COL19A1: variants seen among roughly 807,000 people sequenced by gnomAD.
COL19A1 encodes the protein collagen alpha-1(XIX) chain.
A neutral mutation model predicts 190.2 loss-of-function variants in COL19A1; 159 were observed. The observed-to-expected ratio is 0.84, with a 90% CI of 0.73 to 0.95. The LOEUF is 0.95. COL19A1 is among the 40% of genes least tolerant of loss of function. COL19A1 has a pLI of 0.00. For synonymous variants in COL19A1, 509 were observed against 458.9 expected, an observed-to-expected ratio of 1.11 and a Z score of -1.39; for missense variants, 1,418 against 1,431.9, an observed-to-expected ratio of 0.99 and a Z score of 0.16.
At chr6:70,082,639 G>T (rs1782329243) in intron 15 of COL19A1, among the ~76,000 whole-genome samples, 1 of 152,166 alleles carries the variant, frequency 6.6e-6, no homozygotes, top group African/African-American at 2.4e-5. Context: ...TCGAACTCCT[G>T]ACCTCAGGTG....
chr6:69,885,491 T>TAAATTTTATTTAATGA (rs1768860033), intron 2 of COL19A1, among the ~76,000 whole-genome samples: 1 of 152,200 alleles, frequency 6.6e-6, no homozygotes, highest in African/African-American at 2.4e-5. Context: ...AATGAGTGGC[T>TAAATTTTATTTAATGA]AAATCTTATT....
chr6:70,087,226 A>T (rs1423876111), intron 15 of COL19A1, among the ~76,000 whole-genome samples: 1 of 152,220 alleles, frequency 6.6e-6, no homozygotes, highest in African/African-American at 2.4e-5. Flanking sequence ...ATGGAGACAG[A>T]TGGCCACAAA....
chr6:69,969,212 C>A (rs1775284916), intron 11 of COL19A1, among the ~76,000 whole-genome samples: 2 of 152,068 alleles, frequency 1.3e-5, no homozygotes, highest in Admixed American at 6.6e-5. Flanking sequence ...ATTTATTTGA[C>A]AGAATTATTA....
chr6:69,918,667 C>T (rs1277506206), intron 4 of COL19A1, among the ~76,000 whole-genome samples: 1 of 152,136 alleles, frequency 6.6e-6, no homozygotes, highest in African/African-American at 2.4e-5. Context: ...GACCACACCT[C>T]TGCACTCCTG....
intron 11 of COL19A1, among the ~76,000 whole-genome samples, chr6:69,984,394 T>C (rs1776205756): frequency 6.6e-6 from 1 of 152,136 alleles, no homozygotes. Context: ...GCAACTTAAG[T>C]TGATTTTAAA....
chr6:70,147,802 G>A (rs1786761749), intron 27 of COL19A1, among the ~76,000 whole-genome samples: 1 of 152,110 alleles, frequency 6.6e-6, no homozygotes, highest in South Asian at 2.1e-4. Context: ...TACTTCAGAG[G>A]CCAACTGCAT....
intron 19 of COL19A1, 36 bp downstream of exon 19, chr6:70,137,783 T>G: frequency 6.3e-7 from 1 of 1,599,594 alleles, no homozygotes; most frequent in East Asian, 2.2e-5. Flanking sequence ...AGGAAGAATA[T>G]CTAAAAAACG....
At chr6:70,156,083 G>A (rs375482439) in intron 31 of COL19A1, 44 bp from the exon 32 acceptor site, 441 of 1,564,282 alleles carry the variant, frequency 2.8e-4, no homozygotes, top group Non-Finnish European at 3.7e-4. Flanking sequence ...CTTTATAGAC[G>A]GCTTTTATGA....
At chr6:69,944,456 C>T (rs1297870112) in intron 9 of COL19A1, among the ~76,000 whole-genome samples, 1 of 152,052 alleles carries the variant, frequency 6.6e-6, no homozygotes, top group South Asian at 2.1e-4. Flanking sequence ...CCTAATTGCC[C>T]AGGAGACTCT....
At position 70,141,902 on chromosome 6, in the gene COL19A1, G is replaced by C; in HGVS notation, c.1492G>C (p.Gly498Arg). The C allele has an allele frequency of 6.3e-7, 1 of 1,592,510 alleles. No individual in the cohort carries two copies. The highest frequency in any genetic ancestry group is 8.6e-7 in the Non-Finnish European group (1 of 1,160,848). The change falls in exon 21 of 51, where the codon GGG becomes CGG. Residue 498 changes from glycine to arginine, a missense_variant. Coordinates refer to ENST00000620364, the MANE Select transcript of COL19A1 (RefSeq NM_001858.6). The stretch of plus-strand genomic sequence containing the variant: ...ATTATTTTATTTACAGGGAGAACCT[G>C]GGGTAATAGGATCACAGGGAGTAAA... ...KGEKGDRGEP[G>R]VIGSQGVKGE...
At chr6:70,035,445 C>T (rs370164777) in intron 13 of COL19A1, among the ~76,000 whole-genome samples, 1 of 152,138 alleles carries the variant, frequency 6.6e-6, no homozygotes, top group Non-Finnish European at 1.5e-5. Context: ...TTCAGCAGAG[C>T]TTTAGAAGAG....
At chr6:70,129,610 G>A (rs774684156) in intron 17 of COL19A1, among the ~76,000 whole-genome samples, 6 of 152,230 alleles carry the variant, frequency 3.9e-5, no homozygotes, top group East Asian at 1.9e-4. Flanking sequence ...CAGCTCTTAC[G>A]GAGGCAGAGG....
chr6:69,904,781 A>G (rs1289641077), intron 4 of COL19A1, among the ~76,000 whole-genome samples: 1 of 152,184 alleles, frequency 6.6e-6, no homozygotes. Context: ...CTGGGCCTCC[A>G]AGTGCCCTGC....
At chr6:70,003,176 T>A (rs1016900572) in intron 11 of COL19A1, among the ~76,000 whole-genome samples, 1 of 152,220 alleles carries the variant, frequency 6.6e-6, no homozygotes, top group African/African-American at 2.4e-5. Context: ...TCAATTTCCA[T>A]GTAATTGTGT....
intron 4 of COL19A1, among the ~76,000 whole-genome samples, chr6:69,919,824 A>G (rs1019706436): frequency 6.6e-6 from 1 of 152,020 alleles, no homozygotes; most frequent in Non-Finnish European, 1.5e-5. Context: ...TTTTCTCCTA[A>G]TGCTTCAGTG....
chr6:69,892,930 A>G (rs1769451359), intron 2 of COL19A1, among the ~76,000 whole-genome samples: 1 of 152,256 alleles, frequency 6.6e-6, no homozygotes, highest in Non-Finnish European at 1.5e-5. Flanking sequence ...GCAAACGGCT[A>G]TATTACCATA....
intron 3 of COL19A1, among the ~76,000 whole-genome samples, chr6:69,900,019 T>C (rs1053921649): frequency 1.3e-5 from 2 of 152,122 alleles, no homozygotes; most frequent in Admixed American, 6.5e-5. Flanking sequence ...ATATTCATGA[T>C]TTTTTTCTAG....
intron 2 of COL19A1, among the ~76,000 whole-genome samples, chr6:69,887,768 G>T (rs184800152): frequency 6.6e-6 from 1 of 152,252 alleles, no homozygotes; most frequent in East Asian, 1.9e-4. Context: ...TGGGTGAAAA[G>T]GAAGGAAAGG....
chr6:69,936,536 TG>T (rs776011681), intron 7 of COL19A1, among the ~76,000 whole-genome samples: 1 of 152,172 alleles, frequency 6.6e-6, no homozygotes, highest in Non-Finnish European at 1.5e-5. Flanking sequence ...AATGTAACTT[TG>T]TAATTCCTTA....
Sources: allele counts gnomAD v4.1 joint callset (sites outside exome capture counted in the v4.1 genomes callset), GRCh38; gene constraint gnomAD v4.1.1; transcripts MANE v1.5; gene names NCBI Gene and HGNC (gene_info 2026-07-23, HGNC 2026-07-21).